Variants in DNM2 observed in about 807,000 individuals in gnomAD.
The protein encoded by DNM2 is dynamin 2.
A neutral mutation model predicts 99.0 loss-of-function variants in DNM2; 15 were observed. The ratio of observed to expected loss-of-function variants is 0.15; its 90% CI spans 0.10 to 0.23. The LOEUF (loss-of-function observed/expected upper bound fraction) is 0.23. DNM2 is among the 10% of genes least tolerant of loss of function. The pLI is 1.00. For synonymous variants in DNM2, 525 were observed against 481.2 expected (o/e 1.09, Z -1.19); for missense variants, 742 against 1,189.4 (o/e 0.62, Z 5.53).
intron 1 of DNM2, among the ~76,000 whole-genome samples, chr19:10,756,712 G>A (rs1051886380): frequency 2.6e-5 from 4 of 152,046 alleles, no homozygotes; most frequent in African/African-American, 9.7e-5. Flanking sequence ...AGCCTTGCAA[G>A]TGTCTGTAGG....
intron 1 of DNM2, among the ~76,000 whole-genome samples, chr19:10,728,818 T>G (rs60755785): frequency 0.084 from 12,686 of 151,368 alleles, 558 homozygotes; most frequent in Middle Eastern, 0.11. Context: ...ATGGTGGTAC[T>G]TGTCTGTCGT....
intron 1 of DNM2, among the ~76,000 whole-genome samples, chr19:10,751,711 T>C (rs1294123718): frequency 1.3e-5 from 2 of 152,282 alleles, no homozygotes; most frequent in African/African-American, 2.4e-5. Flanking sequence ...CAGCCTGGCA[T>C]GCGAGGCCCT....
chr19:10,760,475 G>A (rs1411559940), intron 2 of DNM2, among the ~76,000 whole-genome samples: 1 of 152,046 alleles, frequency 6.6e-6, no homozygotes, highest in Non-Finnish European at 1.5e-5. Context: ...TGTCTACAAA[G>A]TCCCAGCACC....
At chr19:10,724,232 C>T (rs1165663095) in intron 1 of DNM2, among the ~76,000 whole-genome samples, 1 of 152,144 alleles carries the variant, frequency 6.6e-6, no homozygotes, top group Non-Finnish European at 1.5e-5. Flanking sequence ...GGCTGGAGTG[C>T]AGTCACGCGA....
chr19:10,741,810 C>G (rs529515312), intron 1 of DNM2, among the ~76,000 whole-genome samples: 3 of 152,194 alleles, frequency 2.0e-5, no homozygotes, highest in Non-Finnish European at 2.9e-5. Context: ...CTCTGCCTCC[C>G]AAAGTGCTGG....
chr19:10,753,521 CACTT>C (rs138576310), intron 1 of DNM2, among the ~76,000 whole-genome samples: 4,689 of 150,826 alleles, frequency 0.031, 79 homozygotes, highest in South Asian at 0.095. Flanking sequence ...CTTTTTTTCT[CACTT>C]AGTACACCAA....
intron 5 of DNM2, among the ~76,000 whole-genome samples, chr19:10,779,999 T>C (rs544367277): frequency 2.6e-5 from 4 of 152,110 alleles, no homozygotes; most frequent in East Asian, 3.9e-4. Context: ...TGGCATCTAC[T>C]CTAAGCTGCG....
rs770657284 is a variant in DNM2, at chr19:10,731,291, G to T, written c.161+12888G>T. On this transcript the variant is annotated intron_variant, in intron 1 of 20. Transcript: ENST00000389253. ...CCCCCGGGAGGCCTACCAGCTGGCC[G>T]CGCAGCCAGGATCCTGCAGCCACCA... 2.0e-5 allele frequency among the ~76,000 whole-genome samples: 3 copies of T among 152,008 alleles called. No homozygotes were observed. The East Asian group carries it at 5.8e-4, about 29-fold the overall frequency.
rs894808907 is a variant in DNM2 at position 10,831,786 on chromosome 19, C to G, written c.*739C>G. ...CGCCCATGCCTCCCTGATGGGTGGG[C>G]CCAGGGCGGCCTCTCTCTGAGGAGA... is the stretch of plus-strand genomic sequence containing the variant. On this transcript the variant is annotated 3_prime_UTR_variant, in exon 21 of 21. Transcript: ENST00000389253. This position sits in a 1 kb window ranked among gnomAD's most constrained non-coding sequence, Gnocchi z 4.3. 13 of 987,084 alleles carry G rather than the reference C, an allele frequency of 1.3e-5. No homozygotes were observed. The African/African-American group carries it at 2.3e-4, about 17-fold the overall frequency. 61.1% of individuals were successfully genotyped at this position (987,084 alleles called of 1,614,324 possible). A position where few individuals can be genotyped will look rare whatever the true frequency, so the allele number is the denominator to read the frequency against.
chr19:10,820,571 T>C lies in DNM2; in HGVS notation c.1781+482T>C, dbSNP rs1316146177. ...TGGATATGAGAGAGAAAGGCACCAATTGTGACCCTGAGTACGTGGGCCTGA... is the reference window on the plus strand; with the variant it reads ...TGGATATGAGAGAGAAAGGCACCAACTGTGACCCTGAGTACGTGGGCCTGA... On this transcript the variant is annotated intron_variant, in intron 16 of 20. Transcript: ENST00000389253. This position sits in a 1 kb window ranked among gnomAD's most constrained non-coding sequence, Gnocchi z 4.3. 1.3e-5 allele frequency among the ~76,000 whole-genome samples: 2 copies of C among 152,328 alleles called. No homozygotes were observed. Among genetic ancestry groups the C allele is most frequent in the Admixed American group, 6.5e-5 (1 of 15,310 alleles).
intron 1 of DNM2, among the ~76,000 whole-genome samples, chr19:10,724,130 G>A (rs2069032595): frequency 1.3e-5 from 2 of 150,158 alleles, no homozygotes; most frequent in African/African-American, 4.9e-5. Context: ...AAGGATCAAG[G>A]AGCAGGATGA....
chr19:10,783,640 G>C (rs2071448678), intron 6 of DNM2, among the ~76,000 whole-genome samples: 1 of 151,540 alleles, frequency 6.6e-6, no homozygotes, highest in African/African-American at 2.4e-5. Flanking sequence ...TGCATTGCCT[G>C]GGGTTGGTGA....
chr19:10,773,570 T>TC, intron 3 of DNM2, among the ~76,000 whole-genome samples: 1 of 151,774 alleles, frequency 6.6e-6, no homozygotes, highest in Admixed American at 6.6e-5. Context: ...GGCCTCAGCC[T>TC]CCCGAGTAGC....
chr19:10,826,231 G>A (rs1427493270), intron 18 of DNM2, among the ~76,000 whole-genome samples: 1 of 152,170 alleles, frequency 6.6e-6, no homozygotes, highest in Non-Finnish European at 1.5e-5. Context: ...ATAACTGCAG[G>A]AGGGAGAACG....
rs1180257146 is a variant in DNM2, at chr19:10,732,717, A to G, written c.161+14314A>G. 2.6e-5 allele frequency among the ~76,000 whole-genome samples: 4 copies of G among 151,792 alleles called. No individual in the cohort carries two copies. The East Asian group carries it at 7.7e-4, about 29-fold the overall frequency. On this transcript the variant is annotated intron_variant, in intron 1 of 20. Transcript: ENST00000389253. ...CTCTTGCCAGATTTTTTATATATAT[A>G]TATATATTTCTAGGTGTGACTACCC...
intron 2 of DNM2, among the ~76,000 whole-genome samples, chr19:10,767,581 G>A (rs931179835): frequency 2.0e-5 from 3 of 152,218 alleles, no homozygotes; most frequent in African/African-American, 7.2e-5. Context: ...TACAGGCATG[G>A]GCCACTGCTC....
chr19:10,828,039 A>G (rs1321610558), intron 18 of DNM2, among the ~76,000 whole-genome samples: 2 of 152,330 alleles, frequency 1.3e-5, no homozygotes, highest in South Asian at 4.1e-4. Flanking sequence ...CTGTAATCCC[A>G]GCACTTTGGG....
At chr19:10,827,607 C>T (rs1464037905) in intron 18 of DNM2, among the ~76,000 whole-genome samples, 4 of 151,904 alleles carry the variant, frequency 2.6e-5, no homozygotes, top group African/African-American at 7.2e-5. Flanking sequence ...TGTGGTGGCT[C>T]ATGCCTGTAA....
intron 1 of DNM2, among the ~76,000 whole-genome samples, chr19:10,729,498 G>A (rs1422343148): frequency 6.6e-6 from 1 of 152,184 alleles, no homozygotes; most frequent in African/African-American, 2.4e-5. Flanking sequence ...AGCCCCGCCA[G>A]GACTTGGGGG....
Sources: gnomAD v4.1 joint callset for allele counts (sites outside exome capture counted in the v4.1 genomes callset) on GRCh38, gnomAD v4.1.1 for gene constraint, Gnocchi (gnomAD v3.1) non-coding constraint, MANE v1.5 for transcripts, NCBI Gene and HGNC (gene_info 2026-07-23, HGNC 2026-07-21) for gene names.